Variants in CDC42BPA observed in about 807,000 individuals in gnomAD.
CDC42BPA encodes serine/threonine-protein kinase MRCK alpha.
In CDC42BPA, 80 loss-of-function variants were observed where a neutral mutation model predicts 223.5. That is an observed-to-expected ratio of 0.36 (90% confidence interval 0.30 to 0.43). The LOEUF is 0.43. Among genes scored for constraint, CDC42BPA ranks in the 20% least tolerant of loss-of-function variants. CDC42BPA has a pLI of 1.00. For synonymous variants in CDC42BPA, 694 were observed against 718.6 expected (o/e 0.97, Z 0.55); for missense variants, 1,743 against 2,099.9 (o/e 0.83, Z 3.32).
At chr1:227,250,114 A>G (rs941334309) in intron 2 of CDC42BPA, among the ~76,000 whole-genome samples, 1 of 152,332 alleles carries the variant, frequency 6.6e-6, no homozygotes, top group Admixed American at 6.5e-5. Context: ...ATTATTAAGC[A>G]TTGCATGCCT....
chr1:226,997,513 G>A (rs1301635055), intron 35 of CDC42BPA, among the ~76,000 whole-genome samples: 1 of 152,050 alleles, frequency 6.6e-6, no homozygotes, highest in Non-Finnish European at 1.5e-5. Flanking sequence ...GTTTGCTCTT[G>A]CTTCTCTAGT....
chr1:227,228,406 A>G (rs1251984300), intron 2 of CDC42BPA, among the ~76,000 whole-genome samples: 3 of 152,172 alleles, frequency 2.0e-5, no homozygotes, highest in Admixed American at 2.0e-4. Flanking sequence ...GATATACCAC[A>G]TTTTGTTTAT....
chr1:227,060,159 G>T (rs1675563532), intron 21 of CDC42BPA, among the ~76,000 whole-genome samples: 1 of 151,204 alleles, frequency 6.6e-6, no homozygotes, highest in African/African-American at 2.4e-5. Context: ...AGCCTCCTGA[G>T]TAGCTGGGAT....
intron 1 of CDC42BPA, among the ~76,000 whole-genome samples, chr1:227,258,281 T>C (rs1683453770): frequency 6.7e-6 from 1 of 149,666 alleles, no homozygotes; most frequent in Non-Finnish European, 1.5e-5. Context: ...TTCTACTATA[T>C]CACAAAATCA....
At chr1:227,100,294 T>C (rs1422590656) in intron 15 of CDC42BPA, among the ~76,000 whole-genome samples, 1 of 152,118 alleles carries the variant, frequency 6.6e-6, no homozygotes, top group Non-Finnish European at 1.5e-5. Context: ...CCCACTTCAC[T>C]CTCCACACAG....
At chr1:227,027,903 G>T (rs571048508) in intron 30 of CDC42BPA, among the ~76,000 whole-genome samples, 1 of 152,206 alleles carries the variant, frequency 6.6e-6, no homozygotes, top group East Asian at 1.9e-4. Context: ...GATTGCTTGA[G>T]GACAAGAATT....
chr1:227,044,108 A>G (rs1278753611), intron 23 of CDC42BPA, among the ~76,000 whole-genome samples: 1 of 151,698 alleles, frequency 6.6e-6, no homozygotes, highest in African/African-American at 2.4e-5. Context: ...ATGAAGTTGG[A>G]CATTTCTTCA....
chr1:227,164,180 T>A (rs995883839), intron 5 of CDC42BPA, among the ~76,000 whole-genome samples: 1 of 152,196 alleles, frequency 6.6e-6, no homozygotes, highest in East Asian at 1.9e-4. Flanking sequence ...TCCATATGCC[T>A]CTACCTGCAC....
chr1:227,058,437 A>G (rs1281560286), intron 21 of CDC42BPA, among the ~76,000 whole-genome samples: 4 of 152,210 alleles, frequency 2.6e-5, no homozygotes, highest in African/African-American at 9.6e-5. Context: ...TTCGGAATGT[A>G]AAGTGTTGAT....
chr1:227,295,165 T>A lies in CDC42BPA; in HGVS notation c.178+21840A>T, dbSNP rs901498881. ...AAGTCAAATTCACAATACATATATA[T>A]GAAATATAATTTTTTCTTTTTGATA... On this transcript the variant is annotated intron_variant, in intron 1 of 36. Transcript: ENST00000366766. Among the ~76,000 whole-genome samples the A allele has an allele frequency of 4.6e-5, 7 of 152,064 alleles. No individual in the cohort carries two copies. In the South Asian group the frequency reaches 8.3e-4, roughly 18 times the overall value.
chr1:227,140,018 C>T (rs1352378376), intron 9 of CDC42BPA, among the ~76,000 whole-genome samples: 3 of 152,044 alleles, frequency 2.0e-5, no homozygotes, highest in Non-Finnish European at 4.4e-5. Context: ...AAAAACCCCA[C>T]AAATTATAAA....
At chr1:227,159,507 A>G (rs1429004758) in intron 6 of CDC42BPA, among the ~76,000 whole-genome samples, 2 of 152,100 alleles carry the variant, frequency 1.3e-5, no homozygotes, top group African/African-American at 4.8e-5. Context: ...AATTTTTCCA[A>G]AGTTAAAATT....
In CDC42BPA at chr1:227,250,776, G is replaced by A. The variant is rs561816017; in HGVS notation, c.270+3288C>T. ...CTGAAGAAATACTAAAGAGGGCCAG[G>A]CACAGTGCCTCACAACTGTAATCCC... On this transcript the variant is annotated intron_variant, in intron 2 of 36. Coordinates refer to ENST00000366766, the MANE Select transcript of CDC42BPA (RefSeq NM_001394014.1). Among the ~76,000 whole-genome samples, 4 of 152,074 alleles carry A rather than the reference G, an allele frequency of 2.6e-5. No individual in the cohort carries two copies. The South Asian group carries it at 8.3e-4, about 32-fold the overall frequency.
intron 11 of CDC42BPA, among the ~76,000 whole-genome samples, chr1:227,123,527 TA>T (rs1346702978): frequency 2.0e-5 from 3 of 152,082 alleles, no homozygotes; most frequent in Non-Finnish European, 2.9e-5. Context: ...CAACACTCTT[TA>T]AAAAAATAAT....
chr1:227,274,437 G>A lies in CDC42BPA; in HGVS notation c.179-20282C>T, dbSNP rs184111629. On this transcript the variant is annotated intron_variant, in intron 1 of 36. Transcript: ENST00000366766. The stretch of plus-strand genomic sequence containing the variant: ...CAACTGGGCAGTCTCAAACCGAAGA[G>A]AAATGAAGTGTTATGTCTTCCAAAC... Among the ~76,000 whole-genome samples, 6 of 152,272 alleles carry A rather than the reference G, an allele frequency of 3.9e-5. No homozygotes were observed. The East Asian group carries it at 1.2e-3, about 29-fold the overall frequency.
intron 23 of CDC42BPA, among the ~76,000 whole-genome samples, chr1:227,042,344 A>C (rs1214791151): frequency 1.5e-4 from 22 of 150,258 alleles, no homozygotes; most frequent in Admixed American, 1.5e-3. Context: ...CAAGAGATCT[A>C]TTCAGGATGT....
At chr1:227,105,542 T>C (rs1453222116) in intron 14 of CDC42BPA, among the ~76,000 whole-genome samples, 1 of 151,832 alleles carries the variant, frequency 6.6e-6, no homozygotes, top group Non-Finnish European at 1.5e-5. Context: ...TCTGTAGAGA[T>C]GGGGTCTCAC....
At chr1:227,212,527 A>AC (rs1331247907) in intron 3 of CDC42BPA, among the ~76,000 whole-genome samples, 6 of 151,634 alleles carry the variant, frequency 4.0e-5, no homozygotes, top group African/African-American at 7.3e-5. Context: ...ACAGCAGCGG[A>AC]CCCCCCAGAA....
At chr1:227,238,038 CAAAAAAA>C in intron 2 of CDC42BPA, among the ~76,000 whole-genome samples, 2 of 91,290 alleles carry the variant, frequency 2.2e-5, no homozygotes, top group South Asian at 4.1e-4. Flanking sequence ...AACTCTGTCT[CAAAAAAA>C]AAAAAAAAAA....
Sources: gnomAD v4.1 joint callset for allele counts (sites outside exome capture counted in the v4.1 genomes callset) on GRCh38, gnomAD v4.1.1 for gene constraint, MANE v1.5 for transcripts, NCBI Gene and HGNC (gene_info 2026-07-23, HGNC 2026-07-21) for gene names.